XKR4: variants seen among roughly 807,000 people sequenced by gnomAD.
XKR4 encodes the protein XK related 4, also known as XK-related protein 4.
Under a neutral mutation model 53.9 loss-of-function variants are expected in XKR4, and 12 were observed. The observed-to-expected ratio is 0.22, with a 90% CI of 0.14 to 0.36. The LOEUF (loss-of-function observed/expected upper bound fraction) is 0.36, where lower values mean the gene tolerates loss of function less well. Among genes scored for constraint, XKR4 ranks in the 10% least tolerant of loss-of-function variants. The probability of loss-of-function intolerance (pLI) is 1.00; values close to 1 mark genes in which losing one functional copy is unlikely to be tolerated. For missense variants in XKR4, 799 were observed against 859.5 expected (o/e 0.93, Z 0.88); for synonymous variants, 354 against 362.4 (o/e 0.98, Z 0.26).
In XKR4 at chr8:55,303,105, C is replaced by T. The variant is rs572665269; in HGVS notation, c.807-54573C>T. Among the ~76,000 whole-genome samples, 101 of 152,240 alleles carry T rather than the reference C, an allele frequency of 6.6e-4. 1 individual carries two copies. In the South Asian group the frequency reaches 0.011, roughly 17 times the overall value. ...TCAAAGGGAATGCTTCCAGTTTTTGCCCATTCAGTATGATATTGGCTGTGG... is the reference window on the plus strand; with the variant it reads ...TCAAAGGGAATGCTTCCAGTTTTTGTCCATTCAGTATGATATTGGCTGTGG... On this transcript the variant is annotated intron_variant, in intron 1 of 2. Transcript: ENST00000327381.
chr8:55,260,070 G>A (rs1015670650), intron 1 of XKR4, among the ~76,000 whole-genome samples: 2 of 152,114 alleles, frequency 1.3e-5, no homozygotes, highest in African/African-American at 4.8e-5. Context: ...TGTACTTCAT[G>A]AGGGCTTGCA....
intron 2 of XKR4, among the ~76,000 whole-genome samples, chr8:55,415,221 A>C (rs1474513279): frequency 6.6e-6 from 1 of 152,252 alleles, no homozygotes; most frequent in African/African-American, 2.4e-5. Context: ...TATTCAGATC[A>C]GAAATCAAGG....
chr8:55,187,305 C>A (rs200329295), intron 1 of XKR4, among the ~76,000 whole-genome samples: 1,552 of 94,872 alleles, frequency 0.016, no homozygotes, highest in Non-Finnish European at 0.018. Flanking sequence ...TTTCCAGGAC[C>A]AAAAAAAAAA....
At chr8:55,341,618 A>G (rs766280075) in intron 1 of XKR4, among the ~76,000 whole-genome samples, 24 of 152,262 alleles carry the variant, frequency 1.6e-4, no homozygotes, top group Non-Finnish European at 2.8e-4. Flanking sequence ...CACCAAAAAA[A>G]GATGACCAAA....
intron 1 of XKR4, among the ~76,000 whole-genome samples, chr8:55,228,250 C>T (rs1455391367): frequency 6.6e-6 from 1 of 152,242 alleles, no homozygotes; most frequent in African/African-American, 2.4e-5. Flanking sequence ...CACGTGGGAA[C>T]TGAGACCATC....
At chr8:55,325,368 T>C (rs1803276999) in intron 1 of XKR4, among the ~76,000 whole-genome samples, 1 of 152,142 alleles carries the variant, frequency 6.6e-6, no homozygotes. Flanking sequence ...GTCAGGGCTT[T>C]CTCACCTCAG....
At chr8:55,435,310 C>T (rs1337831450) in intron 2 of XKR4, among the ~76,000 whole-genome samples, 2 of 152,080 alleles carry the variant, frequency 1.3e-5, no homozygotes, top group Non-Finnish European at 2.9e-5. Context: ...GGAGTCTCTT[C>T]CCTTAGAATT....
At chr8:55,440,507 C>G (rs1437111194) in intron 2 of XKR4, among the ~76,000 whole-genome samples, 1 of 151,996 alleles carries the variant, frequency 6.6e-6, no homozygotes, top group Non-Finnish European at 1.5e-5. Flanking sequence ...GGCAAATATT[C>G]TGATTTAGAC....
intron 2 of XKR4, among the ~76,000 whole-genome samples, chr8:55,432,321 G>T (rs566808228): frequency 6.6e-6 from 1 of 152,212 alleles, no homozygotes; most frequent in East Asian, 1.9e-4. Context: ...AAAAATGAGG[G>T]CAATTGTAGC....
intron 1 of XKR4, among the ~76,000 whole-genome samples, chr8:55,252,734 T>C (rs1011550474): frequency 6.6e-6 from 1 of 152,184 alleles, no homozygotes; most frequent in Non-Finnish European, 1.5e-5. Context: ...TTTACTGCTT[T>C]CTGATGTGTC....
chr8:55,462,151 C>T (rs1161639574), intron 2 of XKR4, among the ~76,000 whole-genome samples: 1 of 152,140 alleles, frequency 6.6e-6, no homozygotes, highest in Non-Finnish European at 1.5e-5. Flanking sequence ...TCGAGAAGAG[C>T]AACTCCAAGA....
At chr8:55,302,369 A>G (rs1174585150) in intron 1 of XKR4, among the ~76,000 whole-genome samples, 7 of 151,090 alleles carry the variant, frequency 4.6e-5, no homozygotes, top group Non-Finnish European at 6.0e-5. Context: ...CTGTTTTGGT[A>G]CCAGTACCAT....
intron 1 of XKR4, among the ~76,000 whole-genome samples, chr8:55,149,660 T>A (rs1235950539): frequency 6.6e-6 from 1 of 152,088 alleles, no homozygotes; most frequent in Admixed American, 6.6e-5. Context: ...AGCTCTGGCC[T>A]TTGGAGTATT....
chr8:55,419,107 A>T (rs1180423041), intron 2 of XKR4, among the ~76,000 whole-genome samples: 1 of 152,082 alleles, frequency 6.6e-6, no homozygotes, highest in Non-Finnish European at 1.5e-5. Flanking sequence ...GAAGAGGGCC[A>T]GGCACGGTGG....
At chr8:55,411,031 A>G (rs1477099963) in intron 2 of XKR4, among the ~76,000 whole-genome samples, 2 of 152,070 alleles carry the variant, frequency 1.3e-5, no homozygotes, top group African/African-American at 4.8e-5. Flanking sequence ...TTACAACCAA[A>G]TCTTTCTCCC....
At chr8:55,459,764 A>G (rs910425953) in intron 2 of XKR4, among the ~76,000 whole-genome samples, 1 of 152,210 alleles carries the variant, frequency 6.6e-6, no homozygotes, top group Non-Finnish European at 1.5e-5. Flanking sequence ...AAAAAGATTG[A>G]CAATACCAGG....
intron 1 of XKR4, among the ~76,000 whole-genome samples, chr8:55,279,557 T>C (rs148476873): frequency 3.0e-3 from 454 of 152,346 alleles, no homozygotes; most frequent in African/African-American, 0.01. Context: ...GCAAATTATA[T>C]AGTTTAGTAG....
intron 2 of XKR4, among the ~76,000 whole-genome samples, chr8:55,420,921 C>T (rs1167375798): frequency 1.3e-5 from 2 of 152,080 alleles, no homozygotes; most frequent in East Asian, 3.9e-4. Flanking sequence ...CTCTTCATTC[C>T]TTGTGGTTCA....
chr8:55,160,106 A>G (rs1816963838), intron 1 of XKR4, among the ~76,000 whole-genome samples: 3 of 152,222 alleles, frequency 2.0e-5, no homozygotes, highest in African/African-American at 7.2e-5. Flanking sequence ...CTAAGGAAGT[A>G]TGCATGATTG....
Sources: gnomAD v4.1 joint callset for allele counts (sites outside exome capture counted in the v4.1 genomes callset) on GRCh38, gnomAD v4.1.1 for gene constraint, MANE v1.5 for transcripts, NCBI Gene and HGNC (gene_info 2026-07-23, HGNC 2026-07-21) for gene names.